Variants in CYP17A1 observed in about 807,000 individuals in gnomAD.
The protein encoded by CYP17A1 is cytochrome P450 family 17 subfamily A member 1.
A neutral mutation model predicts 38.5 loss-of-function variants in CYP17A1; 27 were observed. The observed-to-expected ratio is 0.70, with a 90% confidence interval of 0.52 to 0.97. The LOEUF is 0.97. CYP17A1 is among the 50% of genes least tolerant of loss of function. CYP17A1 has a pLI of 0.00. For synonymous variants in CYP17A1, 263 were observed against 253.3 expected (o/e 1.04, Z -0.36); for missense variants, 549 against 645.9 (o/e 0.85, Z 1.63).
At chr10:102,831,065 A>G (rs1844081279) in intron 7 of CYP17A1, 80 bp from the exon 8 acceptor site, 1 of 992,042 alleles carries the variant, frequency 1.0e-6, no homozygotes, top group Admixed American at 2.0e-5. Flanking sequence ...TGAGGGGGAG[A>G]CATGGCCCTG....
chr10:102,836,455 CAAAAAAAAAAAAAAA>C (rs71019622), intron 1 of CYP17A1, among the ~76,000 whole-genome samples: 2 of 62,586 alleles, frequency 3.2e-5, no homozygotes, highest in African/African-American at 1.3e-4. Context: ...GACTCTGTCT[CAAAAAAAAAAAAAAA>C]AAAAAAAAAT....
Position 102,830,882 on chromosome 10 carries a change from G to C in CYP17A1, c.1347C>G (p.Arg449=), listed in dbSNP as rs1251408411. Residue 449 remains arginine (R), a synonymous_variant, in exon 8 of 8, where the codon CGC becomes CGG. Transcript: ENST00000369887. The surrounding 1 kb of genome is among the most constrained non-coding windows in gnomAD (Gnocchi z 4.1). ...PRSCIGEILA[R]QELFLIMAWL... is the part of the protein sequence containing the mutation. ...AGGCCATGATGAGGAAGAGCTCCTG[G>C]CGGGCCAGGATCTCACCTATACAGG... The C allele has an allele frequency of 1.3e-6, 2 of 1,585,610 alleles. No individual in the cohort carries two copies. The highest frequency in any genetic ancestry group is 1.7e-6 in the Non-Finnish European group (2 of 1,163,034).
intron 3 of CYP17A1, 176 bp downstream of exon 3, chr10:102,834,609 A>G: frequency 2.4e-6 from 2 of 820,510 alleles, no homozygotes. Flanking sequence ...AAAAGGCTAA[A>G]TCTATCTCTG....
At chr10:102,835,225 C>G (rs1244968857) in intron 2 of CYP17A1, 29 bp downstream of exon 2, 1 of 1,602,558 alleles carries the variant, frequency 6.2e-7, no homozygotes, top group Admixed American at 1.7e-5. Context: ...GGATCCAGCC[C>G]CAGCCCCAGG....
chr10:102,834,696 C>T (rs1844136437), intron 3 of CYP17A1, 89 bp downstream of exon 3: 18 of 1,589,008 alleles, frequency 1.1e-5, no homozygotes, highest in Admixed American at 1.7e-5. Flanking sequence ...TGGGTCATTG[C>T]GGCTGGAGCA....
chr10:102,834,182 A>T, intron 3 of CYP17A1, 60 bp from the exon 4 acceptor site: 1 of 826,556 alleles, frequency 1.2e-6, no homozygotes, highest in South Asian at 1.4e-5. Context: ...TCCAGCTGCC[A>T]GAGTCTCTCC....
rs1161535782 is a variant in CYP17A1, at chr10:102,832,684, A to C, written c.970-4T>G. On this transcript the variant is annotated splice_region_variant and splice_polypyrimidine_tract_variant and intron_variant, in intron 5 of 7. Transcript: ENST00000369887. ...CCTCGTAGAGCTTCTTCTTCACCTG[A>C]AGACCAGAGTAGGTTGGAGGTGACT... The C allele has an allele frequency of 1.3e-6, 2 of 1,591,868 alleles. No homozygotes were observed. The highest frequency in any genetic ancestry group is 1.7e-6 in the Non-Finnish European group (2 of 1,159,768).
Position 102,834,883 on chromosome 10 carries a change from T to C in CYP17A1, c.568A>G (p.Asn190Asp). 1.2e-6 allele frequency: 2 copies of C among 1,614,052 alleles called. No individual in the cohort carries two copies. The highest frequency in any genetic ancestry group is 1.7e-6 in the Non-Finnish European group (2 of 1,180,000). The change falls in exon 3 of 8, where the codon AAT becomes GAT. Residue 190 changes from asparagine (N) to aspartate (D), a missense_variant. Coordinates refer to ENST00000369887, the MANE Select transcript of CYP17A1 (RefSeq NM_000102.4). ...ATGACATTCAACTCAGGGTCCCCAT[T>C]CTTGTAGGAGGTATTGAAGCAGATC... ...SLICFNTSYK[N>D]GDPELNVIQN...
At chr10:102,834,149 C>T (rs1408876857) in intron 3 of CYP17A1, 27 bp from the exon 4 acceptor site, 1 of 946,686 alleles carries the variant, frequency 1.1e-6, no homozygotes, top group East Asian at 2.4e-5. Context: ...AATGTTAAAT[C>T]CACCCTTCTT....
rs548446966 is a variant in CYP17A1, at chr10:102,835,354, G to A, written c.336C>T (p.Ile112=). 9 of 1,612,204 alleles carry A rather than the reference G, an allele frequency of 5.6e-6. No homozygotes were observed. Among genetic ancestry groups the A allele is most frequent in the African/African-American group, 5.3e-5 (4 of 75,002 alleles). The change falls in exon 2 of 8, where the codon ATC becomes ATT. Residue 112 remains isoleucine, a synonymous_variant. Coordinates refer to ENST00000369887, the MANE Select transcript of CYP17A1 (RefSeq NM_000102.4). The part of the protein sequence containing the change: ...LDIASNNRKG[I]AFADSGAHWQ... ...AGTGTGCGCCAGAGTCAGCGAAGGC[G>A]ATACCCTTACGGTTGTTGGACGCGA... is the stretch of plus-strand genomic sequence containing the variant.
At position 102,833,224 on chromosome 10, in the gene CYP17A1, T is replaced by C; in HGVS notation, c.754-16A>G. On this transcript the variant is annotated splice_polypyrimidine_tract_variant and intron_variant, in intron 4 of 7. Coordinates refer to ENST00000369887, the MANE Select transcript of CYP17A1 (RefSeq NM_000102.4). ...GGAATTTCTCCTGGGTTGGGTGAGGTTGGGAGACATTAATAAGGAAGGAGC... is the reference window on the plus strand; with the variant it reads ...GGAATTTCTCCTGGGTTGGGTGAGGCTGGGAGACATTAATAAGGAAGGAGC... 2 of 1,613,904 alleles carry C rather than the reference T, an allele frequency of 1.2e-6. No individual in the cohort carries two copies. The highest frequency in any genetic ancestry group is 1.7e-4 in the Middle Eastern group (1 of 6,060).
In CYP17A1 at chr10:102,830,914, G is replaced by A. The variant is rs751342821; in HGVS notation, c.1315C>T (p.Pro439Ser). ...SVSYLPFGAG[P>S]RSCIGEILAR... The stretch of plus-strand genomic sequence containing the variant: ...AGGATCTCACCTATACAGGAGCGAG[G>A]TCCTGCTCCGAAGGGCAAATAGCTT... The change falls in exon 8 of 8, where the codon CCT becomes TCT. Residue 439 changes from proline (P) to serine (S), a missense_variant. Transcript: ENST00000369887. The surrounding 1 kb of genome is among the most constrained non-coding windows in gnomAD (Gnocchi z 4.1). The A allele has an allele frequency of 1.3e-6, 2 of 1,567,460 alleles. No individual in the cohort carries two copies. The highest frequency in any genetic ancestry group is 2.3e-5 in the South Asian group (2 of 86,726).
In CYP17A1 at chr10:102,830,957, C is replaced by G; in HGVS notation, c.1272G>C (p.Gln424His). ...PERFLNPAGT[Q>H]LISPSVSYLP... ...AATAGCTTACTGACGGTGAGATGAGCTGGGTCCCCGCTGGATTCAAGAAAC... is the reference window on the plus strand; with the variant it reads ...AATAGCTTACTGACGGTGAGATGAGGTGGGTCCCCGCTGGATTCAAGAAAC... The change falls in exon 8 of 8, where the codon CAG (glutamine) becomes CAC (histidine). Residue 424 changes from glutamine (Q) to histidine (H), a missense_variant. Physicochemically the swap from Gln to His is conservative, Grantham distance 24. Transcript: ENST00000369887. The surrounding 1 kb of genome is among the most constrained non-coding windows in gnomAD (Gnocchi z 4.1). The G allele has an allele frequency of 6.3e-7, 1 of 1,578,572 alleles. No individual in the cohort carries two copies. The highest frequency in any genetic ancestry group is 8.6e-7 in the Non-Finnish European group (1 of 1,160,082).
At chr10:102,831,678 G>T in intron 6 of CYP17A1, 67 bp from the exon 7 acceptor site, 1 of 1,600,638 alleles carries the variant, frequency 6.2e-7, no homozygotes. Flanking sequence ...TCAGCCTCAT[G>T]CCCCCTCATT....
At chr10:102,836,025 ACC>A (rs1366730761) in intron 1 of CYP17A1, among the ~76,000 whole-genome samples, 1 of 152,044 alleles carries the variant, frequency 6.6e-6, no homozygotes, top group East Asian at 1.9e-4. Flanking sequence ...CCATTTCCTG[ACC>A]CTGAAGATCC....
In CYP17A1 at chr10:102,837,368, T is replaced by A. The variant is rs772535358; in HGVS notation, c.-7A>T. ...GAGCCACGAGCTCCCACATGGTGGC[T>A]GGGTGCCGGCAGGCAAGATAGACAG... On this transcript the variant is annotated 5_prime_UTR_variant, in exon 1 of 8. Transcript: ENST00000369887. The A allele has an allele frequency of 6.2e-7, 1 of 1,600,638 alleles. No individual in the cohort carries two copies. The highest frequency in any genetic ancestry group is 1.3e-5 in the African/African-American group (1 of 74,624).
chr10:102,832,523 T>A lies in CYP17A1; in HGVS notation c.1127A>T (p.Asn376Ile), dbSNP rs1176754857. 1.2e-6 allele frequency: 2 copies of A among 1,607,876 alleles called. No individual in the cohort carries two copies. The highest frequency in any genetic ancestry group is 8.5e-7 in the Non-Finnish European group (1 of 1,174,588). ...VAPMLIPHKA[N>I]VDSSIGEFAV... The stretch of plus-strand genomic sequence containing the variant: ...AGGGCAGGCACACCTGGAGTCAACG[T>A]TGGCCTTGTGGGGGATGAGCATAGG... The change falls in exon 6 of 8, where the codon AAC (asparagine) becomes ATC (isoleucine). Residue 376 changes from asparagine (N) to isoleucine (I), a missense_variant. Transcript: ENST00000369887.
At chr10:102,832,354 G>C (rs1272551268) in intron 6 of CYP17A1, among the ~76,000 whole-genome samples, 157 bp downstream of exon 6, 1 of 152,170 alleles carries the variant, frequency 6.6e-6, no homozygotes, top group Non-Finnish European at 1.5e-5. Context: ...TGACAGGTGT[G>C]AGCCACCGTG....
At position 102,837,178 on chromosome 10, in the gene CYP17A1, G is replaced by A. The variant is rs777171001; in HGVS notation, c.184C>T (p.Pro62Ser). Residue 62 changes from proline to serine, a missense_variant, in exon 1 of 8, where the codon CCC becomes TCC. By Grantham distance (74) the Pro-to-Ser change is moderately conservative (BLOSUM62 -1). Transcript: ENST00000369887. ...GTGCCCATACGAACCGAATAGATGG[G>A]GCCATATTTTTTCTGCAGCTTGAAG... ...NFFKLQKKYG[P>S]IYSVRMGTKT... is the part of the protein sequence containing the mutation. The A allele has an allele frequency of 1.3e-6, 2 of 1,598,174 alleles. No homozygotes were observed. The highest frequency in any genetic ancestry group is 1.7e-6 in the Non-Finnish European group (2 of 1,165,448).
Sources: gnomAD v4.1 joint callset for allele counts (sites outside exome capture counted in the v4.1 genomes callset) on GRCh38, gnomAD v4.1.1 for gene constraint, Gnocchi (gnomAD v3.1) non-coding constraint, MANE v1.5 for transcripts, NCBI Gene and HGNC (gene_info 2026-07-23, HGNC 2026-07-21) for gene names.